Variants in DNAAF9 observed in about 807,000 individuals in gnomAD.
The protein encoded by DNAAF9 is dynein axonemal assembly factor 9, also known as shulin.
In DNAAF9, 90 loss-of-function variants were observed where a neutral mutation model predicts 167.0. That is an observed-to-expected ratio of 0.54 (90% CI 0.45 to 0.64). The LOEUF (loss-of-function observed/expected upper bound fraction) is 0.64. Among genes scored for constraint, DNAAF9 ranks in the 30% least tolerant of loss-of-function variants. The pLI, the probability that DNAAF9 is intolerant of heterozygous loss-of-function variation, is 0.00. For missense variants in DNAAF9, 1,315 were observed against 1,442.2 expected, an observed-to-expected ratio of 0.91 and a Z score of 1.43; for synonymous variants, 491 against 508.8, an observed-to-expected ratio of 0.96 and a Z score of 0.47.
intron 1 of DNAAF9, among the ~76,000 whole-genome samples, chr20:3,391,961 C>T (rs569847791): frequency 6.6e-6 from 1 of 152,226 alleles, no homozygotes; most frequent in East Asian, 1.9e-4. Context: ...GGAGGCCAGG[C>T]ATTCAACACT....
rs373429936 is a variant in DNAAF9, at chr20:3,336,939, G to A, written c.981+3565C>T. 1.0e-4 allele frequency among the ~76,000 whole-genome samples: 15 copies of A among 149,842 alleles called. No individual in the cohort carries two copies. In the East Asian group the frequency reaches 2.6e-3, roughly 26 times the overall value. On this transcript the variant is annotated intron_variant, in intron 10 of 36. Transcript: ENST00000252032. The stretch of plus-strand genomic sequence containing the variant: ...TCTGTCGCCCAGGCTGGAGGCAGTG[G>A]CACGATCTCGGCTCACTGCAAGCTC...
At chr20:3,379,866 T>G (rs970340062) in intron 3 of DNAAF9, among the ~76,000 whole-genome samples, 2 of 152,106 alleles carry the variant, frequency 1.3e-5, no homozygotes, top group Non-Finnish European at 2.9e-5. Context: ...GAGACCAGCC[T>G]GGCCAACATG....
Position 3,319,100 on chromosome 20 carries a change from A to G in DNAAF9, c.1357-700T>C, listed in dbSNP as rs866766956. 3.0e-3 allele frequency among the ~76,000 whole-genome samples: 442 copies of G among 145,976 alleles called. 5 individuals are homozygous for G. The highest frequency in any genetic ancestry group is 0.015 in the Admixed American group (219 of 14,462). ...TCTGTCTCAAAAAAAAAAAAAAAAAAAAAAGAAAAAAAAATAGCCAGGCAT... is the reference window on the plus strand; with the variant it reads ...TCTGTCTCAAAAAAAAAAAAAAAAAGAAAAGAAAAAAAAATAGCCAGGCAT... On this transcript the variant is annotated intron_variant, in intron 16 of 36. Coordinates refer to ENST00000252032, the MANE Select transcript of DNAAF9 (RefSeq NM_001009984.3).
chr20:3,374,226 T>C, intron 5 of DNAAF9, 72 bp from the exon 6 acceptor site: 2 of 989,030 alleles, frequency 2.0e-6, no homozygotes, highest in Non-Finnish European at 1.6e-6. Flanking sequence ...TGACCTAACA[T>C]GGTTAGACAG....
At chr20:3,369,697 A>T (rs535385225) in intron 6 of DNAAF9, among the ~76,000 whole-genome samples, 1 of 152,282 alleles carries the variant, frequency 6.6e-6, no homozygotes, top group South Asian at 2.1e-4. Context: ...TTTAAAGGTT[A>T]AAGTCTTTTA....
chr20:3,346,964 G>C (rs752330948), intron 8 of DNAAF9, among the ~76,000 whole-genome samples: 1 of 152,054 alleles, frequency 6.6e-6, no homozygotes, highest in Non-Finnish European at 1.5e-5. Context: ...AGTTAACAGC[G>C]AAACACTTTC....
intron 12 of DNAAF9, among the ~76,000 whole-genome samples, chr20:3,329,705 C>G (rs1463034146): frequency 6.6e-6 from 1 of 152,170 alleles, no homozygotes; most frequent in African/African-American, 2.4e-5. Flanking sequence ...CTGCTGGTCA[C>G]AGGGAAGTGT....
At chr20:3,330,953 C>T (rs1013182766) in intron 11 of DNAAF9, among the ~76,000 whole-genome samples, 2 of 151,808 alleles carry the variant, frequency 1.3e-5, no homozygotes, top group Non-Finnish European at 2.9e-5. Context: ...CACCATGCCC[C>T]GCTAATTTTT....
intron 6 of DNAAF9, among the ~76,000 whole-genome samples, chr20:3,363,477 A>C (rs937986929): frequency 8.6e-5 from 13 of 151,682 alleles, no homozygotes; most frequent in African/African-American, 3.1e-4. Flanking sequence ...AAAAATAAAA[A>C]CTAAAAAATA....
intron 22 of DNAAF9, among the ~76,000 whole-genome samples, chr20:3,297,465 A>T (rs1478913773): frequency 6.6e-6 from 1 of 152,130 alleles, no homozygotes; most frequent in East Asian, 1.9e-4. Context: ...CTGAGGGAGG[A>T]ACACTGTCCC....
intron 20 of DNAAF9, among the ~76,000 whole-genome samples, chr20:3,314,479 C>A (rs555175814): frequency 2.6e-5 from 4 of 152,224 alleles, no homozygotes; most frequent in Non-Finnish European, 4.4e-5. Context: ...TGTCTGACAG[C>A]CACCAACAAA....
At chr20:3,363,870 T>C (rs966762576) in intron 6 of DNAAF9, among the ~76,000 whole-genome samples, 4 of 152,222 alleles carry the variant, frequency 2.6e-5, no homozygotes, top group Admixed American at 1.3e-4. Flanking sequence ...TCATCTAGTA[T>C]ATTTTTCCTC....
intron 23 of DNAAF9, chr20:3,295,849 C>T: frequency 1.0e-6 from 1 of 968,388 alleles, no homozygotes; most frequent in Non-Finnish European, 1.7e-6. Context: ...AGTTTAATCC[C>T]CAAACGACAT....
intron 20 of DNAAF9, among the ~76,000 whole-genome samples, chr20:3,307,967 T>TTAAA (rs1555790312): frequency 8.1e-6 from 1 of 123,452 alleles, no homozygotes; most frequent in Non-Finnish European, 1.6e-5. Flanking sequence ...ACACAAGGTT[T>TTAAA]AAAAAAAAAA....
chr20:3,399,044 G>T (rs1274922067), intron 1 of DNAAF9, among the ~76,000 whole-genome samples: 1 of 152,190 alleles, frequency 6.6e-6, no homozygotes, highest in Non-Finnish European at 1.5e-5. Context: ...TATGCCTGAA[G>T]AATGTGCTGG....
intron 29 of DNAAF9, among the ~76,000 whole-genome samples, chr20:3,273,897 G>T (rs1382320408): frequency 6.6e-6 from 1 of 152,116 alleles, no homozygotes; most frequent in Non-Finnish European, 1.5e-5. Flanking sequence ...AAAGTGTTGA[G>T]TATAATTTTT....
At chr20:3,300,313 A>C (rs2069162099) in intron 21 of DNAAF9, among the ~76,000 whole-genome samples, 1 of 152,066 alleles carries the variant, frequency 6.6e-6, no homozygotes, top group African/African-American at 2.4e-5. Flanking sequence ...TGAGTCACGA[A>C]CATGGATGTT....
At chr20:3,394,586 T>C (rs1338388537) in intron 1 of DNAAF9, among the ~76,000 whole-genome samples, 1 of 152,192 alleles carries the variant, frequency 6.6e-6, no homozygotes, top group Non-Finnish European at 1.5e-5. Context: ...ATAAAAAACA[T>C]TTAGTTCTTT....
At chr20:3,301,170 A>G (rs1600737434) in intron 21 of DNAAF9, among the ~76,000 whole-genome samples, 1 of 138,694 alleles carries the variant, frequency 7.2e-6, no homozygotes, top group African/African-American at 2.7e-5. Flanking sequence ...ATACACCATC[A>G]TGCTTGGCTT....
Sources: gnomAD v4.1 joint callset for allele counts (sites outside exome capture counted in the v4.1 genomes callset) on GRCh38, gnomAD v4.1.1 for gene constraint, MANE v1.5 for transcripts, NCBI Gene and HGNC (gene_info 2026-07-23, HGNC 2026-07-21) for gene names.